Variants in FAM200A observed in about 807,000 individuals in gnomAD.
FAM200A encodes protein FAM200A.
Under a neutral mutation model 44.2 loss-of-function variants are expected in FAM200A, and 26 were observed. The ratio of observed to expected loss-of-function variants is 0.59; its 90% confidence interval spans 0.43 to 0.82. The LOEUF is 0.82. Ranked by LOEUF, FAM200A falls within the 40% of genes least tolerant of loss-of-function variation. The pLI, the probability that FAM200A is intolerant of heterozygous loss-of-function variation, is 0.00. For synonymous variants in FAM200A, 206 were observed against 244.4 expected, an observed-to-expected ratio of 0.84 and a Z score of 1.47; for missense variants, 606 against 669.5, an observed-to-expected ratio of 0.91 and a Z score of 1.05.
chr7:99,555,843 T>C (rs533501002), upstream of FAM200A, among the ~76,000 whole-genome samples: 85 of 152,122 alleles, frequency 5.6e-4, no homozygotes, highest in African/African-American at 1.6e-3. Flanking sequence ...AAAGCAGAGG[T>C]TGCAGTGAGC....
intron 1 of FAM200A, among the ~76,000 whole-genome samples, chr7:99,551,554 G>A (rs1802532005): frequency 6.6e-6 from 1 of 152,090 alleles, no homozygotes; most frequent in East Asian, 1.9e-4. Flanking sequence ...TATCATCCGC[G>A]GACACTGGCT....
chr7:99,547,204 A>G lies in FAM200A; in HGVS notation c.1204T>C (p.Leu402=), dbSNP rs1802408283. 1.3e-6 allele frequency: 2 copies of G among 1,549,626 alleles called. No individual in the cohort carries two copies. Among genetic ancestry groups the G allele is most frequent in the Non-Finnish European group, 1.7e-6 (2 of 1,146,526 alleles). Residue 402 remains leucine (L), a synonymous_variant, in exon 2 of 2, where the codon TTA becomes CTA. Coordinates refer to ENST00000449309, the MANE Select transcript of FAM200A (RefSeq NM_145111.4). ...ATGTTCTCTTCGATGTGTTGCAATA[A>G]TGTTGGAAACATATAGTAGCTAGGG... is the stretch of plus-strand genomic sequence containing the variant. The part of the protein sequence containing the change: ...NRPSYYMFPT[L]LQHIEENIIN...
rs544598864 is a variant in FAM200A, at chr7:99,548,280, A to G, written c.128T>C (p.Val43Ala). 1.2e-6 allele frequency: 2 copies of G among 1,613,954 alleles called. No homozygotes were observed. The highest frequency in any genetic ancestry group is 2.7e-5 in the African/African-American group (2 of 74,918). The change falls in exon 2 of 2, where the codon GTA becomes GCA. Residue 43 changes from valine (V) to alanine (A), a missense_variant. Physicochemically the swap from Val to Ala is moderately conservative, Grantham distance 64. Coordinates refer to ENST00000449309, the MANE Select transcript of FAM200A (RefSeq NM_145111.4). ...ACTGAGAACTTGTGGCGATGACTCT[A>G]CTTTGTTTCTTTCCTTTTGAAAATG... ...EDHFQKERNK[V>A]ESSPQVLSRS...
At chr7:99,549,190 T>TCGGAGGC (rs1249613367) in intron 1 of FAM200A, among the ~76,000 whole-genome samples, 3 of 139,108 alleles carry the variant, frequency 2.2e-5, no homozygotes, top group South Asian at 2.8e-4. Context: ...AAATAAGAAA[T>TCGGAGGC]TAAGCTGCAT....
In FAM200A at chr7:99,547,348, G is replaced by A. The variant is rs1019964977; in HGVS notation, c.1060C>T (p.Leu354Phe). 9 of 1,549,590 alleles carry A rather than the reference G, an allele frequency of 5.8e-6. No individual in the cohort carries two copies. Among genetic ancestry groups the A allele is most frequent in the African/African-American group, 1.4e-5 (1 of 72,984 alleles). Reference protein sequence around the residue: ...LAYLSDIFGILNELSLKMQGK... With the variant: ...LAYLSDIFGIFNELSLKMQGK... ...TGCATTTTCAGGCTTAATTCATTAA[G>A]AATGCCAAAAATATCACTTAAATAT... Residue 354 changes from leucine (L) to phenylalanine (F), a missense_variant, in exon 2 of 2, where the codon CTT becomes TTT. Coordinates refer to ENST00000449309, the MANE Select transcript of FAM200A (RefSeq NM_145111.4).
In FAM200A at chr7:99,547,926, C is replaced by A; in HGVS notation, c.482G>T (p.Arg161Ile). The change falls in exon 2 of 2, where the codon AGA becomes ATA. Residue 161 changes from arginine (R) to isoleucine (I), a missense_variant. By Grantham distance (97) the Arg-to-Ile change is moderately conservative (BLOSUM62 -3). Coordinates refer to ENST00000449309, the MANE Select transcript of FAM200A (RefSeq NM_145111.4). The stretch of plus-strand genomic sequence containing the variant: ...TACAAAATCATCTTGCCACACATAT[C>A]TGACATAAACCAAGAGTGTGGGACA... ...ASCPTLLVYV[R>I]YVWQDDFVED... 5 of 1,551,218 alleles carry A rather than the reference C, an allele frequency of 3.2e-6. No homozygotes were observed. Among genetic ancestry groups the A allele is most frequent in the Non-Finnish European group, 4.4e-6 (5 of 1,147,002 alleles).
rs116701548 is a variant in FAM200A, at chr7:99,557,272, G to A, written c.-100+1028C>T. 5.9e-3 allele frequency among the ~76,000 whole-genome samples: 896 copies of A among 152,208 alleles called. 10 individuals carry two copies. Among genetic ancestry groups the A allele is most frequent in the African/African-American group, 0.021 (870 of 41,518 alleles). On this transcript the variant is annotated intron_variant, in intron 1 of 1. Coordinates refer to the FAM200A transcript ENST00000408938. Reference sequence around the variant, plus strand: ...CCTGAGTCAGCTAAAACTTGGACGCGATGTGCCTCACTGCCATAGCTCACT... The same window carrying A: ...CCTGAGTCAGCTAAAACTTGGACGCAATGTGCCTCACTGCCATAGCTCACT...
chr7:99,548,380 C>G lies in FAM200A; in HGVS notation c.28G>C (p.Asp10His), dbSNP rs1245168285. Residue 10 changes from aspartate to histidine, a missense_variant, in exon 2 of 2, where the codon GAT becomes CAT. Coordinates refer to ENST00000449309, the MANE Select transcript of FAM200A (RefSeq NM_145111.4). ...TCCTGGGTACCCCCTGGAGACAAAT[C>G]TGTAGTATCCCTTGATTCAGGAGTC... MTPESRDTT[D>H]LSPGGTQEME... 1 of 1,613,880 alleles carries G rather than the reference C, an allele frequency of 6.2e-7. No individual in the cohort carries two copies. Among genetic ancestry groups the G allele is most frequent in the Non-Finnish European group, 8.5e-7 (1 of 1,179,892 alleles).
At chr7:99,556,785 C>T (rs1481693308), upstream of FAM200A, among the ~76,000 whole-genome samples, 1 of 152,292 alleles carries the variant, frequency 6.6e-6, no homozygotes, top group Admixed American at 6.5e-5. Context: ...CCTGTAATCC[C>T]AGCACTTTGG....
chr7:99,550,539 A>G (rs1202007725), intron 1 of FAM200A, among the ~76,000 whole-genome samples: 1 of 152,228 alleles, frequency 6.6e-6, no homozygotes, highest in Non-Finnish European at 1.5e-5. Flanking sequence ...TGTTAAATTC[A>G]GTCTATCGGC....
At chr7:99,553,070 C>CATAT (rs1178743418), upstream of FAM200A, among the ~76,000 whole-genome samples, 1,186 of 73,884 alleles carry the variant, frequency 0.016, 19 homozygotes, top group Non-Finnish European at 0.023. Flanking sequence ...TATACACACA[C>CATAT]ATATATATAT....
At chr7:99,550,066 A>T (rs934240121) in intron 1 of FAM200A, among the ~76,000 whole-genome samples, 3 of 151,552 alleles carry the variant, frequency 2.0e-5, no homozygotes, top group East Asian at 3.9e-4. Flanking sequence ...AGTAAATAAT[A>T]AAAAAAAACT....
At chr7:99,555,225 C>T (rs1416358210), upstream of FAM200A, among the ~76,000 whole-genome samples, 2 of 152,146 alleles carry the variant, frequency 1.3e-5, no homozygotes, top group South Asian at 4.1e-4. Context: ...AGAGATAGTA[C>T]ACAGGGAGAA....
At position 99,552,043 on chromosome 7, in the gene FAM200A, T is replaced by G. The variant is rs1802547925; in HGVS notation, c.-289A>C. On this transcript the variant is annotated 5_prime_UTR_variant, in exon 1 of 2. Transcript: ENST00000449309. ...TGGGATGCTGGGATAGAAGGGGTTG[T>G]GACTTTGGGGACCAGGAGCACTAGA... is the stretch of plus-strand genomic sequence containing the variant. 1.0e-6 allele frequency: 1 copy of G among 985,484 alleles called. No homozygotes were observed. Among genetic ancestry groups the G allele is most frequent in the African/African-American group, 1.7e-5 (1 of 57,248 alleles). 61.0% of individuals were successfully genotyped at this position (985,484 alleles called of 1,614,324 possible).
At position 99,548,491 on chromosome 7, in the gene FAM200A, A is replaced by T. The variant is rs1252594761; in HGVS notation, c.-84T>A. On this transcript the variant is annotated 5_prime_UTR_variant, in exon 2 of 2. Transcript: ENST00000449309. Reference sequence around the variant, plus strand: ...TCCTTTGTGACCTAGGTTTTATGAGATCAGGTTTTGCTATCCTGCAGGGTA... The same window carrying T: ...TCCTTTGTGACCTAGGTTTTATGAGTTCAGGTTTTGCTATCCTGCAGGGTA... 1.3e-6 allele frequency: 2 copies of T among 1,525,526 alleles called. No homozygotes were observed. Among genetic ancestry groups the T allele is most frequent in the Non-Finnish European group, 1.8e-6 (2 of 1,140,394 alleles). 94.5% of individuals were successfully genotyped at this position (1,525,526 alleles called of 1,614,324 possible).
chr7:99,547,043 T>A lies in FAM200A; in HGVS notation c.1365A>T (p.Pro455=), dbSNP rs1176584113. 1.9e-6 allele frequency: 3 copies of A among 1,546,258 alleles called. No individual in the cohort carries two copies. In the East Asian group the frequency reaches 7.3e-5, roughly 38 times the overall value. The change falls in exon 2 of 2, where the codon CCA becomes CCT. Residue 455 remains proline, a synonymous_variant. Coordinates refer to ENST00000449309, the MANE Select transcript of FAM200A (RefSeq NM_145111.4). ...SLKENIWMKD[P]FAFQNPESII... ...TTGATTCTGGGTTTTGAAAAGCAAA[T>A]GGATCTTTCATCCAAATATTTTCCT...
chr7:99,552,038 G>T lies in FAM200A; in HGVS notation c.-284C>A, dbSNP rs1293241007. The T allele has an allele frequency of 4.1e-6, 4 of 985,616 alleles. No homozygotes were observed. The highest frequency in any genetic ancestry group is 4.8e-6 in the Non-Finnish European group (4 of 830,058). The allele number at this position is 985,616 out of a possible 1,614,324, so 61.1% of individuals were successfully genotyped here. A position where few individuals can be genotyped will look rare whatever the true frequency, so the allele number is the denominator to read the frequency against. On this transcript the variant is annotated 5_prime_UTR_variant, in exon 1 of 2. Transcript: ENST00000449309. Reference sequence around the variant, plus strand: ...AAGTCTGGGATGCTGGGATAGAAGGGGTTGTGACTTTGGGGACCAGGAGCA... The same window carrying T: ...AAGTCTGGGATGCTGGGATAGAAGGTGTTGTGACTTTGGGGACCAGGAGCA...
upstream of FAM200A, among the ~76,000 whole-genome samples, chr7:99,554,208 C>T (rs1215138065): frequency 2.0e-5 from 3 of 152,176 alleles, no homozygotes; most frequent in South Asian, 2.1e-4. Context: ...TGGCCGGGCA[C>T]GGTGGCTCAC....
chr7:99,557,119 G>T (rs560604203), intron 1 of FAM200A, among the ~76,000 whole-genome samples: 53 of 152,170 alleles, frequency 3.5e-4, no homozygotes, highest in Non-Finnish European at 6.8e-4. Flanking sequence ...ACTGTTAAAA[G>T]AAAATTTTGC....
Sources: gnomAD v4.1 joint callset for allele counts (sites outside exome capture counted in the v4.1 genomes callset) on GRCh38, gnomAD v4.1.1 for gene constraint, MANE v1.5 for transcripts, NCBI Gene and HGNC (gene_info 2026-07-23, HGNC 2026-07-21) for gene names.